Variants in LPCAT1 observed in about 807,000 individuals in gnomAD.
The protein encoded by LPCAT1 is lysophosphatidylcholine acyltransferase 1.
A neutral mutation model predicts 60.9 loss-of-function variants in LPCAT1; 23 were observed. The observed-to-expected ratio is 0.38, with a 90% CI of 0.27 to 0.53. The LOEUF (loss-of-function observed/expected upper bound fraction) is 0.53, where lower values mean the gene tolerates loss of function less well. Ranked by LOEUF, LPCAT1 falls within the 20% of genes least tolerant of loss-of-function variation. LPCAT1 has a pLI of 0.82. For synonymous variants in LPCAT1, 340 were observed against 301.1 expected (o/e 1.13, Z -1.34); for missense variants, 622 against 723.6 (o/e 0.86, Z 1.61).
Position 1,470,889 on chromosome 5 carries a change from C to T in LPCAT1, c.1215G>A (p.Val405=). The T allele has an allele frequency of 6.2e-7, 1 of 1,613,464 alleles. No homozygotes were observed. Among genetic ancestry groups the T allele is most frequent in the Non-Finnish European group, 8.5e-7 (1 of 1,180,010 alleles). ...GSGEVDLREC[V]VALSVVCRPA... ...GCCGGCAGACGACAGACAGGGCAAC[C>T]ACACACTCTCGCAGGTCCACCTCGC... Residue 405 remains valine, a synonymous_variant, in exon 12 of 14, where the codon GTG becomes GTA. Transcript: ENST00000283415.
Position 1,470,774 on chromosome 5 carries a change from G to A in LPCAT1, c.1278+52C>T, listed in dbSNP as rs371147582. The stretch of plus-strand genomic sequence containing the variant: ...TAGAGAAATGAACAATGGTGCTGAC[G>A]TGACTGCACCGCCCTGTCCCCCAGT... On this transcript the variant is annotated intron_variant, in intron 12 of 13. Coordinates refer to ENST00000283415, the MANE Select transcript of LPCAT1 (RefSeq NM_024830.5). 534 of 1,380,600 alleles carry A rather than the reference G, an allele frequency of 3.9e-4. 1 individual carries two copies. In the African/African-American group the frequency reaches 6.3e-3, roughly 16 times the overall value. The allele number at this position is 1,380,600 out of a possible 1,614,324, so 85.5% of individuals were successfully genotyped here.
At chr5:1,475,899 G>A (rs1734894804) in intron 9 of LPCAT1, among the ~76,000 whole-genome samples, 1 of 151,582 alleles carries the variant, frequency 6.6e-6, no homozygotes, top group South Asian at 2.1e-4. Context: ...CCCCGCCCAG[G>A]CCCAGGAGTC....
chr5:1,483,597 C>T lies in LPCAT1; in HGVS notation c.668-111G>A. Reference sequence around the variant, plus strand: ...AAGTGAGCTTTTCTGTCTAGGCCTTCCTGGTCAGCAAGGGCACTCCATGCC... The same window carrying T: ...AAGTGAGCTTTTCTGTCTAGGCCTTTCTGGTCAGCAAGGGCACTCCATGCC... On this transcript the variant is annotated intron_variant, in intron 5 of 13. Coordinates refer to ENST00000283415, the MANE Select transcript of LPCAT1 (RefSeq NM_024830.5). The surrounding 1 kb of genome is among the most constrained non-coding windows in gnomAD (Gnocchi z 9.2). The T allele has an allele frequency of 9.0e-7, 1 of 1,111,278 alleles. No individual in the cohort carries two copies. The allele number at this position is 1,111,278 out of a possible 1,614,324, so 68.8% of individuals were successfully genotyped here. A position where few individuals can be genotyped will look rare whatever the true frequency, so the allele number is the denominator to read the frequency against.
At chr5:1,473,637 G>A (rs535455130) in intron 11 of LPCAT1, among the ~76,000 whole-genome samples, 1 of 152,340 alleles carries the variant, frequency 6.6e-6, no homozygotes, top group East Asian at 1.9e-4. Flanking sequence ...CTGGTGAGCA[G>A]GGGACCCTGC....
chr5:1,474,259 G>A, intron 10 of LPCAT1, 149 bp from the exon 11 acceptor site: 1 of 952,942 alleles, frequency 1.0e-6, no homozygotes, highest in Non-Finnish European at 1.5e-6. Flanking sequence ...TAATTGGAAG[G>A]TGCGAGATGT....
chr5:1,472,861 AGGGCCCGTGGCTGG>A (rs1734740644), intron 11 of LPCAT1, among the ~76,000 whole-genome samples: 1 of 152,014 alleles, frequency 6.6e-6, no homozygotes, highest in Non-Finnish European at 1.5e-5. Flanking sequence ...CCTGTAGCAG[AGGGCCCGTGGCTGG>A]GGGCCCCTCT....
rs1380412180 is a variant in LPCAT1, at chr5:1,480,746, T to TA, written c.761+195dup. 4.6e-5 allele frequency among the ~76,000 whole-genome samples: 7 copies of TA among 152,200 alleles called. No homozygotes were observed. The highest frequency in any genetic ancestry group is 7.3e-5 in the Non-Finnish European group (5 of 68,042). On this transcript the variant is annotated intron_variant, in intron 7 of 13. Transcript: ENST00000283415. The surrounding 1 kb of genome is among the most constrained non-coding windows in gnomAD (Gnocchi z 6.4). ...CTGCTGGTACTGAAGACGTGCAACTTAAGACCCCAGAATCCAGGAGTGTCA... is the reference window on the plus strand; with the variant it reads ...CTGCTGGTACTGAAGACGTGCAACTTAAAGACCCCAGAATCCAGGAGTGTCA...
At chr5:1,465,033 C>CACAGTA (rs1553991908) in intron 13 of LPCAT1, among the ~76,000 whole-genome samples, 2 of 146,936 alleles carry the variant, frequency 1.4e-5, no homozygotes, top group African/African-American at 2.5e-5. Context: ...AGCGCAGGCA[C>CACAGTA]ACTAAACACA....
chr5:1,503,082 T>C (rs1736074875), intron 1 of LPCAT1, among the ~76,000 whole-genome samples: 1 of 152,226 alleles, frequency 6.6e-6, no homozygotes, highest in Admixed American at 6.5e-5. Flanking sequence ...GTCTCCACCC[T>C]GTCAGTGCCC....
chr5:1,495,576 T>C lies in LPCAT1; in HGVS notation c.279-662A>G, dbSNP rs182025990. Among the ~76,000 whole-genome samples the C allele has an allele frequency of 5.3e-5, 8 of 152,364 alleles. No homozygotes were observed. The highest frequency in any genetic ancestry group is 1.9e-4 in the African/African-American group (8 of 41,582). ...GTACAAATTTAGCCTTTTAAATGTG[T>C]GTATTCTCTTTCATATGAGGCTACA... is the stretch of plus-strand genomic sequence containing the variant. On this transcript the variant is annotated intron_variant, in intron 2 of 13. Coordinates refer to ENST00000283415, the MANE Select transcript of LPCAT1 (RefSeq NM_024830.5). The surrounding 1 kb of genome is among the most constrained non-coding windows in gnomAD (Gnocchi z 4.7).
At chr5:1,470,595 C>T (rs1734627356) in intron 12 of LPCAT1, among the ~76,000 whole-genome samples, 1 of 152,350 alleles carries the variant, frequency 6.6e-6, no homozygotes, top group Non-Finnish European at 1.5e-5. Flanking sequence ...CCAGGAAGAA[C>T]CTCAGCCATG....
rs1237176768 is a variant in LPCAT1 at position 1,487,023 on chromosome 5, C to T, written c.667+1368G>A. On this transcript the variant is annotated intron_variant, in intron 5 of 13. Transcript: ENST00000283415. The surrounding 1 kb of genome is among the most constrained non-coding windows in gnomAD (Gnocchi z 6.1). ...CTCACACGCCCTCCTCACGTCTACACAAGGGCCGCCAGCTCCAAAGGGCAA... is the reference window on the plus strand; with the variant it reads ...CTCACACGCCCTCCTCACGTCTACATAAGGGCCGCCAGCTCCAAAGGGCAA... Among the ~76,000 whole-genome samples, 1 of 152,224 alleles carries T rather than the reference C, an allele frequency of 6.6e-6. No homozygotes were observed. Among genetic ancestry groups the T allele is most frequent in the Non-Finnish European group, 1.5e-5 (1 of 68,028 alleles).
Position 1,523,349 on chromosome 5 carries a change from G to A in LPCAT1, c.135+361C>T, listed in dbSNP as rs1736732723. Among the ~76,000 whole-genome samples, 1 of 151,860 alleles carries A rather than the reference G, an allele frequency of 6.6e-6. No individual in the cohort carries two copies. The highest frequency in any genetic ancestry group is 6.6e-5 in the Admixed American group (1 of 15,254). On this transcript the variant is annotated intron_variant, in intron 1 of 13. Transcript: ENST00000283415. The surrounding 1 kb of genome is among the most constrained non-coding windows in gnomAD (Gnocchi z 7.1). ...CGGCGATGCGGGTCCAGCCTCCCGCGGGAGCCGAGGTCGGGGCTCTGGGAG... is the reference window on the plus strand; with the variant it reads ...CGGCGATGCGGGTCCAGCCTCCCGCAGGAGCCGAGGTCGGGGCTCTGGGAG...
rs145673450 is a variant in LPCAT1, at chr5:1,491,457, G to A, written c.494-1599C>T. Among the ~76,000 whole-genome samples the A allele has an allele frequency of 2.1e-3, 319 of 151,636 alleles. 3 individuals carry two copies. The highest frequency in any genetic ancestry group is 7.3e-3 in the African/African-American group (300 of 41,298). ...TAACGGCAAAGAACAGAACAGTGAC[G>A]TGGGGGCGTTTCACACTCAGATGGG... On this transcript the variant is annotated intron_variant, in intron 3 of 13. Coordinates refer to ENST00000283415, the MANE Select transcript of LPCAT1 (RefSeq NM_024830.5).
At chr5:1,474,799 A>G in intron 9 of LPCAT1, 114 bp from the exon 10 acceptor site, 1 of 1,367,128 alleles carries the variant, frequency 7.3e-7, no homozygotes, top group South Asian at 1.5e-5. Context: ...AGAGGCAGTG[A>G]GACAGGGGAA....
At position 1,480,367 on chromosome 5, in the gene LPCAT1, C is replaced by G; in HGVS notation, c.761+575G>C. ...AACGCCTGGAATGGAGCTGCTCTCTCTTGGACTTTCCCGCTCCCTCTGCCC... is the reference window on the plus strand; with the variant it reads ...AACGCCTGGAATGGAGCTGCTCTCTGTTGGACTTTCCCGCTCCCTCTGCCC... On this transcript the variant is annotated intron_variant, in intron 7 of 13. Transcript: ENST00000283415. The surrounding 1 kb of genome is among the most constrained non-coding windows in gnomAD (Gnocchi z 6.4). 4 of 985,390 alleles carry G rather than the reference C, an allele frequency of 4.1e-6. No individual in the cohort carries two copies. The highest frequency in any genetic ancestry group is 4.8e-6 in the Non-Finnish European group (4 of 829,916). 61.0% of individuals were successfully genotyped at this position (985,390 alleles called of 1,614,324 possible).
chr5:1,519,297 G>A (rs942672044), intron 1 of LPCAT1, among the ~76,000 whole-genome samples: 1 of 152,224 alleles, frequency 6.6e-6, no homozygotes, highest in African/African-American at 2.4e-5. Context: ...ATATGCCTGT[G>A]TATGCACTTA....
chr5:1,514,307 T>TC (rs1736440354), intron 1 of LPCAT1, among the ~76,000 whole-genome samples: 1 of 152,070 alleles, frequency 6.6e-6, no homozygotes. Context: ...ACAAACAGGG[T>TC]CCACATGCCA....
At position 1,480,995 on chromosome 5, in the gene LPCAT1, G is replaced by C; in HGVS notation, c.727-19C>G. 6.2e-7 allele frequency: 1 copy of C among 1,613,438 alleles called. No homozygotes were observed. Among genetic ancestry groups the C allele is most frequent in the African/African-American group, 1.3e-5 (1 of 75,006 alleles). On this transcript the variant is annotated intron_variant, in intron 6 of 13. Coordinates refer to ENST00000283415, the MANE Select transcript of LPCAT1 (RefSeq NM_024830.5). This position sits in a 1 kb window ranked among gnomAD's most constrained non-coding sequence, Gnocchi z 6.4. ...TGGTGTCCTGGGGAGGAAGAGGCAG[G>C]GTCAGTCAGCATGGGGCCTGCACCC...
Sources: gnomAD v4.1 joint callset for allele counts (sites outside exome capture counted in the v4.1 genomes callset) on GRCh38, gnomAD v4.1.1 for gene constraint, Gnocchi (gnomAD v3.1) non-coding constraint, MANE v1.5 for transcripts, NCBI Gene and HGNC (gene_info 2026-07-23, HGNC 2026-07-21) for gene names.